Variants in DPP4 observed in about 807,000 individuals in gnomAD.
DPP4 encodes dipeptidyl peptidase 4.
A neutral mutation model predicts 122.4 loss-of-function variants in DPP4; 93 were observed. That is an observed-to-expected ratio of 0.76 (90% CI 0.64 to 0.90). DPP4 has a LOEUF of 0.90. Among genes scored for constraint, DPP4 ranks in the 40% least tolerant of loss-of-function variants. The probability of loss-of-function intolerance (pLI) is 0.00; values close to 1 mark genes in which losing one functional copy is unlikely to be tolerated. For missense variants in DPP4, 914 were observed against 907.3 expected (o/e 1.01, Z -0.09); for synonymous variants, 321 against 302.9 (o/e 1.06, Z -0.62).
Position 162,005,778 on chromosome 2 carries a change from G to T in DPP4, c.2019C>A (p.Leu673=). Residue 673 remains leucine, a synonymous_variant, in exon 23 of 26, where the codon CTC becomes CTA. Transcript: ENST00000360534. The part of the protein sequence containing the change: ...DSVYTERYMG[L]PTPEDNLDHY... Reference sequence around the variant, plus strand: ...GGTCAAGGTTGTCTTCTGGAGTTGGGAGACCCATGTAACGTTCTGTGTACA... The same window carrying T: ...GGTCAAGGTTGTCTTCTGGAGTTGGTAGACCCATGTAACGTTCTGTGTACA... The T allele has an allele frequency of 6.2e-7, 1 of 1,612,986 alleles. No individual in the cohort carries two copies. Among genetic ancestry groups the T allele is most frequent in the Non-Finnish European group, 8.5e-7 (1 of 1,179,512 alleles).
Position 162,011,893 on chromosome 2 carries a change from A to C in DPP4, c.1732T>G (p.Phe578Val). 1 of 1,613,830 alleles carries C rather than the reference A, an allele frequency of 6.2e-7. No individual in the cohort carries two copies. The change falls in exon 20 of 26, where the codon TTT becomes GTT. Residue 578 changes from phenylalanine (F) to valine (V), a missense_variant. Physicochemically the swap from Phe to Val is conservative, Grantham distance 50. Coordinates refer to ENST00000360534, the MANE Select transcript of DPP4 (RefSeq NM_001935.4). ...ASTENIIVAS[F>V]DGRGSGYQGD... The stretch of plus-strand genomic sequence containing the variant: ...TGGTAACCACTTCCTCTGCCATCAA[A>C]GCTAGCTACTATAATGTTTTCTGTG...
chr2:162,037,663 G>A (rs1683825947), intron 8 of DPP4, among the ~76,000 whole-genome samples: 1 of 152,052 alleles, frequency 6.6e-6, no homozygotes, highest in East Asian at 1.9e-4. Flanking sequence ...CACAAAAAAT[G>A]TTTTTCTAAT....
At chr2:162,055,353 G>A (rs955023910) in intron 2 of DPP4, among the ~76,000 whole-genome samples, 12 of 152,126 alleles carry the variant, frequency 7.9e-5, no homozygotes, top group African/African-American at 2.9e-4. Flanking sequence ...CTATACATAA[G>A]GGACATTAGC....
chr2:162,052,318 CAAA>C (rs35326408), intron 2 of DPP4, among the ~76,000 whole-genome samples: 112 of 64,764 alleles, frequency 1.7e-3, no homozygotes, highest in African/African-American at 7.1e-3. Context: ...AACTCCATCT[CAAA>C]AAAAAAAAAA....
intron 2 of DPP4, among the ~76,000 whole-genome samples, chr2:162,070,167 A>G (rs1363423142): frequency 6.6e-6 from 1 of 152,236 alleles, no homozygotes; most frequent in Non-Finnish European, 1.5e-5. Context: ...CTCCTATAGT[A>G]GGATGATTGA....
rs1701358727 is a variant in DPP4, at chr2:162,009,267, T to G, written c.1861A>C (p.Asn621His). 1.2e-6 allele frequency: 2 copies of G among 1,613,816 alleles called. No homozygotes were observed. The highest frequency in any genetic ancestry group is 1.3e-5 in the African/African-American group (1 of 75,006). The change falls in exon 21 of 26, where the codon AAC becomes CAC. Residue 621 changes from asparagine (N) to histidine (H), a missense_variant. By Grantham distance (68) the Asn-to-His change is moderately conservative (BLOSUM62 1). Coordinates refer to ENST00000360534, the MANE Select transcript of DPP4 (RefSeq NM_001935.4). ...CAGCCCCAAATTGCAATTCGTTTGT[T>G]GTCCACAAATCCCATTTTTGAAAAT... ...RQFSKMGFVD[N>H]KRIAIWGWSY...
At chr2:161,998,250 C>A (rs1396958829) in intron 23 of DPP4, among the ~76,000 whole-genome samples, 1 of 152,190 alleles carries the variant, frequency 6.6e-6, no homozygotes, top group Non-Finnish European at 1.5e-5. Context: ...GCATTCAAAG[C>A]TGGAGACAAG....
At position 162,038,348 on chromosome 2, in the gene DPP4, C is replaced by T; in HGVS notation, c.567G>A (p.Gly189=). 6.2e-7 allele frequency: 1 copy of T among 1,607,666 alleles called. No individual in the cohort carries two copies. Among genetic ancestry groups the T allele is most frequent in the Non-Finnish European group, 8.5e-7 (1 of 1,176,476 alleles). The part of the protein sequence containing the change: ...NLPSYRITWT[G]KEDIIYNGIT... ...TTCCATTATATATTATATCTTCTTTCCCCGTCCATGTGATTCTGTAACTTG... is the reference window on the plus strand; with the variant it reads ...TTCCATTATATATTATATCTTCTTTTCCCGTCCATGTGATTCTGTAACTTG... The change falls in exon 8 of 26, where the codon GGG becomes GGA. Residue 189 remains glycine (G), a synonymous_variant. Coordinates refer to ENST00000360534, the MANE Select transcript of DPP4 (RefSeq NM_001935.4).
intron 2 of DPP4, among the ~76,000 whole-genome samples, chr2:162,058,860 C>T (rs901463435): frequency 6.6e-6 from 1 of 152,198 alleles, no homozygotes; most frequent in African/African-American, 2.4e-5. Flanking sequence ...GTTTGACAAT[C>T]TCATCTGGAC....
intron 23 of DPP4, among the ~76,000 whole-genome samples, chr2:162,004,635 A>T (rs1402004083): frequency 6.6e-6 from 1 of 152,136 alleles, no homozygotes; most frequent in Non-Finnish European, 1.5e-5. Flanking sequence ...CTCATTAAGT[A>T]AGCTGAAAGT....
intron 25 of DPP4, among the ~76,000 whole-genome samples, chr2:161,994,614 A>T (rs1436723833): frequency 1.3e-5 from 2 of 152,218 alleles, no homozygotes; most frequent in African/African-American, 4.8e-5. Context: ...CTGAGCTATT[A>T]TCATGCTGGT....
At chr2:162,034,636 C>T (rs780495521) in intron 9 of DPP4, among the ~76,000 whole-genome samples, 4 of 152,162 alleles carry the variant, frequency 2.6e-5, no homozygotes, top group Non-Finnish European at 5.9e-5. Flanking sequence ...TTAGTAAACA[C>T]GCAACCCTGA....
intron 10 of DPP4, among the ~76,000 whole-genome samples, chr2:162,032,584 C>T (rs1224058387): frequency 6.6e-6 from 1 of 151,982 alleles, no homozygotes; most frequent in South Asian, 2.1e-4. Flanking sequence ...GAGGCTGAGG[C>T]AGGAGAATCG....
At chr2:162,018,918 G>C in intron 15 of DPP4, 68 bp from the exon 16 acceptor site, 1 of 1,576,484 alleles carries the variant, frequency 6.3e-7, no homozygotes, top group African/African-American at 1.4e-5. Flanking sequence ...ACTGAATAAA[G>C]CCATATTCTA....
intron 2 of DPP4, among the ~76,000 whole-genome samples, chr2:162,064,036 G>A (rs1020166496): frequency 6.6e-6 from 1 of 152,134 alleles, no homozygotes; most frequent in Non-Finnish European, 1.5e-5. Flanking sequence ...TAACTTGGGA[G>A]GGGAGCCGAT....
chr2:161,999,444 A>G (rs1209331930), intron 23 of DPP4, among the ~76,000 whole-genome samples: 1 of 152,186 alleles, frequency 6.6e-6, no homozygotes, highest in Non-Finnish European at 1.5e-5. Context: ...GGAAACTCAG[A>G]GTGATAAATG....
chr2:162,048,376 G>C (rs1684261784), intron 2 of DPP4, among the ~76,000 whole-genome samples: 1 of 151,812 alleles, frequency 6.6e-6, no homozygotes, highest in South Asian at 2.1e-4. Flanking sequence ...TCCCTCCTCT[G>C]CACCACCACT....
At chr2:161,998,254 A>C (rs1701054753) in intron 23 of DPP4, among the ~76,000 whole-genome samples, 1 of 152,222 alleles carries the variant, frequency 6.6e-6, no homozygotes, top group African/African-American at 2.4e-5. Context: ...TCAAAGCTGG[A>C]GACAAGAAAG....
chr2:162,008,366 T>A (rs191554266), intron 22 of DPP4, among the ~76,000 whole-genome samples, 196 bp downstream of exon 22: 5 of 152,158 alleles, frequency 3.3e-5, no homozygotes, highest in Non-Finnish European at 7.4e-5. Flanking sequence ...AAACGTGTAA[T>A]AAAATATACC....
Sources: allele counts gnomAD v4.1 joint callset (sites outside exome capture counted in the v4.1 genomes callset), GRCh38; gene constraint gnomAD v4.1.1; transcripts MANE v1.5; gene names NCBI Gene and HGNC (gene_info 2026-07-23, HGNC 2026-07-21).